TRPM3: variants seen among roughly 807,000 people sequenced by gnomAD.
TRPM3 encodes the protein long transient receptor potential channel 3.
TRPM3 carries 77 observed loss-of-function variants against 181.2 expected under a neutral mutation model. The observed-to-expected ratio is 0.42, with a 90% confidence interval of 0.35 to 0.51. The LOEUF is 0.51. Among genes scored for constraint, TRPM3 ranks in the 20% least tolerant of loss-of-function variants. TRPM3 has a pLI of 0.01. For synonymous variants in TRPM3, 745 were observed against 796.4 expected (o/e 0.94, Z 1.09); for missense variants, 1,759 against 2,196.7 (o/e 0.80, Z 3.98).
At chr9:71,358,510 T>G (rs2092003359) in intron 1 of TRPM3, among the ~76,000 whole-genome samples, 1 of 152,194 alleles carries the variant, frequency 6.6e-6, no homozygotes. Context: ...AATCTAGGGC[T>G]GCAAGCATAC....
intron 1 of TRPM3, among the ~76,000 whole-genome samples, chr9:71,241,534 A>C (rs1369158402): frequency 6.6e-6 from 1 of 151,670 alleles, no homozygotes; most frequent in African/African-American, 2.4e-5. Flanking sequence ...ATTAGGAGAT[A>C]TACCTAATGT....
intron 1 of TRPM3, among the ~76,000 whole-genome samples, chr9:71,202,914 C>T (rs1364705685): frequency 6.6e-6 from 1 of 152,118 alleles, no homozygotes; most frequent in Non-Finnish European, 1.5e-5. Context: ...GAAAAATGTC[C>T]TTTAAACAGC....
intron 1 of TRPM3, among the ~76,000 whole-genome samples, chr9:71,000,213 C>T (rs746756534): frequency 2.0e-5 from 3 of 152,156 alleles, no homozygotes; most frequent in Non-Finnish European, 4.4e-5. Flanking sequence ...ACACATTCAT[C>T]GGTTTTGGCT....
At chr9:71,295,335 G>C (rs995411070) in intron 1 of TRPM3, among the ~76,000 whole-genome samples, 1 of 151,816 alleles carries the variant, frequency 6.6e-6, no homozygotes, top group South Asian at 2.1e-4. Flanking sequence ...ATTGTAGAAT[G>C]AGAGCTCATG....
chr9:71,261,720 T>G (rs538994571), intron 1 of TRPM3, among the ~76,000 whole-genome samples: 1 of 152,360 alleles, frequency 6.6e-6, no homozygotes, highest in African/African-American at 2.4e-5. Context: ...TTGATGCTAT[T>G]GGTTTCTGTT....
intron 1 of TRPM3, among the ~76,000 whole-genome samples, chr9:70,936,501 C>G (rs116026177): frequency 0.015 from 2,324 of 152,164 alleles, 59 homozygotes; most frequent in African/African-American, 0.053. Context: ...AATGGGAAAC[C>G]TTGGCAGAAG....
At chr9:71,000,420 A>C (rs973169126) in intron 1 of TRPM3, among the ~76,000 whole-genome samples, 1 of 152,242 alleles carries the variant, frequency 6.6e-6, no homozygotes, top group Non-Finnish European at 1.5e-5. Flanking sequence ...ATCCATGGCC[A>C]GGCCTCTGTG....
At chr9:71,329,239 T>C (rs778010100) in intron 1 of TRPM3, among the ~76,000 whole-genome samples, 9 of 152,278 alleles carry the variant, frequency 5.9e-5, no homozygotes, top group Non-Finnish European at 1.2e-4. Context: ...CTGTTCACTC[T>C]TATTTCATGT....
intron 8 of TRPM3, among the ~76,000 whole-genome samples, chr9:70,744,033 G>A (rs1009983230): frequency 1.1e-4 from 16 of 151,956 alleles, no homozygotes; most frequent in African/African-American, 3.9e-4. Context: ...TGGCTAGTGG[G>A]ATTGAAAATC....
At chr9:71,407,518 C>A (rs2093460178) in intron 1 of TRPM3, among the ~76,000 whole-genome samples, 1 of 151,896 alleles carries the variant, frequency 6.6e-6, no homozygotes, top group South Asian at 2.1e-4. Context: ...AGCAGTGAGG[C>A]TGGGGGATGG....
intron 1 of TRPM3, among the ~76,000 whole-genome samples, chr9:71,437,048 C>T (rs1400487563): frequency 1.3e-5 from 2 of 152,126 alleles, no homozygotes; most frequent in Non-Finnish European, 2.9e-5. Context: ...GAATACAATG[C>T]CCCAATTAAA....
rs2057922646 is a variant in TRPM3, at chr9:70,640,664, T to C, written c.1346-4A>G. The C allele has an allele frequency of 6.2e-7, 1 of 1,611,646 alleles. No homozygotes were observed. Among genetic ancestry groups the C allele is most frequent in the East Asian group, 2.2e-5 (1 of 44,846 alleles). ...TCTGGGGCCGAGGCATTGGCTCCTGTGTGAGGACAAGTGGGAGAAAAGAGT... is the reference window on the plus strand; with the variant it reads ...TCTGGGGCCGAGGCATTGGCTCCTGCGTGAGGACAAGTGGGAGAAAAGAGT... On this transcript the variant is annotated splice_polypyrimidine_tract_variant and splice_region_variant and intron_variant, in intron 9 of 25. Transcript: ENST00000677713.
intron 21 of TRPM3, among the ~76,000 whole-genome samples, chr9:70,591,572 G>A (rs2058114713): frequency 1.3e-5 from 2 of 152,254 alleles, no homozygotes; most frequent in South Asian, 4.2e-4. Flanking sequence ...CTGCTCCTGG[G>A]GGAGGCAAGT....
At chr9:71,298,907 G>A (rs907280677) in intron 1 of TRPM3, among the ~76,000 whole-genome samples, 4 of 151,954 alleles carry the variant, frequency 2.6e-5, no homozygotes, top group South Asian at 2.1e-4. Flanking sequence ...AGCTGACATC[G>A]TCCTACTTTC....
chr9:71,164,090 A>C (rs764210573), intron 1 of TRPM3, among the ~76,000 whole-genome samples: 2 of 152,112 alleles, frequency 1.3e-5, no homozygotes, highest in Non-Finnish European at 2.9e-5. Context: ...CTGGCATCCA[A>C]GGGGAGCTGT....
At chr9:70,995,728 TAA>T (rs1338055933) in intron 1 of TRPM3, among the ~76,000 whole-genome samples, 1 of 152,134 alleles carries the variant, frequency 6.6e-6, no homozygotes, top group South Asian at 2.1e-4. Context: ...AGATGACACA[TAA>T]ACTCAGCATG....
chr9:70,834,128 C>T (rs536252814), intron 5 of TRPM3, among the ~76,000 whole-genome samples: 26 of 152,124 alleles, frequency 1.7e-4, no homozygotes, highest in African/African-American at 2.4e-4. Context: ...ACCCAGATGC[C>T]GCCTTTCAGC....
chr9:70,909,601 T>A (rs1407002670), intron 1 of TRPM3, among the ~76,000 whole-genome samples: 1 of 152,036 alleles, frequency 6.6e-6, no homozygotes, highest in African/African-American at 2.4e-5. Context: ...TTAGAAGGAA[T>A]TAGTTAACTG....
At chr9:70,773,606 TGATA>T (rs2080778800) in intron 7 of TRPM3, among the ~76,000 whole-genome samples, 1 of 152,210 alleles carries the variant, frequency 6.6e-6, no homozygotes, top group African/African-American at 2.4e-5. Context: ...TACATGTTTA[TGATA>T]GATTTCTAGT....
Sources: allele counts gnomAD v4.1 joint callset (sites outside exome capture counted in the v4.1 genomes callset), GRCh38; gene constraint gnomAD v4.1.1; transcripts MANE v1.5; gene names NCBI Gene and HGNC (gene_info 2026-07-23, HGNC 2026-07-21).